The following TMEM62 variants were observed in gnomAD, a reference collection of about 807,000 sequenced individuals.
TMEM62 encodes the protein transmembrane protein 62.
A neutral mutation model predicts 70.4 loss-of-function variants in TMEM62; 41 were observed. That is an observed-to-expected ratio of 0.58 (90% CI 0.45 to 0.76). The LOEUF (loss-of-function observed/expected upper bound fraction) is 0.76. Among genes scored for constraint, TMEM62 ranks in the 30% least tolerant of loss-of-function variants. The probability of loss-of-function intolerance (pLI) is 0.00; values close to 1 mark genes in which losing one functional copy is unlikely to be tolerated. For synonymous variants in TMEM62, 268 were observed against 291.0 expected, an observed-to-expected ratio of 0.92 and a Z score of 0.80; for missense variants, 688 against 788.5, an observed-to-expected ratio of 0.87 and a Z score of 1.53.
intron 4 of TMEM62, among the ~76,000 whole-genome samples, chr15:43,142,192 G>A (rs565818400): frequency 1.4e-3 from 211 of 148,458 alleles, no homozygotes; most frequent in Admixed American, 4.6e-3. Flanking sequence ...TTGAGATGGA[G>A]GCTTGCTCTG....
rs199813901 is a variant in TMEM62, at chr15:43,181,194, T to C, written c.1500T>C (p.Phe500=). 1.9e-6 allele frequency: 3 copies of C among 1,613,242 alleles called. No individual in the cohort carries two copies. The highest frequency in any genetic ancestry group is 2.5e-6 in the Non-Finnish European group (3 of 1,179,382). Reference sequence around the variant, plus strand: ...TGCCTCTTTTAGGTCCATGGTTTTTTGGTGAAATCATTGATGGCAAATTTG... The same window carrying C: ...TGCCTCTTTTAGGTCCATGGTTTTTCGGTGAAATCATTGATGGCAAATTTG... ...TLYTVLGPWF[F]GEIIDGKFGC... Residue 500 remains phenylalanine (F), a synonymous_variant, in exon 13 of 14, where the codon TTT becomes TTC. Coordinates refer to ENST00000260403, the MANE Select transcript of TMEM62 (RefSeq NM_024956.4).
chr15:43,141,728 A>G (rs2036044419), intron 4 of TMEM62, among the ~76,000 whole-genome samples: 1 of 152,232 alleles, frequency 6.6e-6, no homozygotes, highest in Non-Finnish European at 1.5e-5. Context: ...AGGATTCACC[A>G]TTCTAGATGC....
chr15:43,141,165 G>C (rs538173512), intron 4 of TMEM62, among the ~76,000 whole-genome samples: 10 of 152,208 alleles, frequency 6.6e-5, no homozygotes, highest in Non-Finnish European at 1.0e-4. Flanking sequence ...GAGAAGCACT[G>C]AATGAAATCC....
At chr15:43,164,780 T>G (rs2039189411) in intron 10 of TMEM62, among the ~76,000 whole-genome samples, 1 of 152,198 alleles carries the variant, frequency 6.6e-6, no homozygotes, top group African/African-American at 2.4e-5. Flanking sequence ...AAGTCAGCTT[T>G]GTTTGTTTGG....
At position 43,178,039 on chromosome 15, in the gene TMEM62, G is replaced by A. The variant is rs547485229; in HGVS notation, c.1382-568G>A. Among the ~76,000 whole-genome samples the A allele has an allele frequency of 2.1e-4, 32 of 151,734 alleles. No homozygotes were observed. The South Asian group carries it at 6.3e-3, about 30-fold the overall frequency. On this transcript the variant is annotated intron_variant, in intron 11 of 13. Coordinates refer to ENST00000260403, the MANE Select transcript of TMEM62 (RefSeq NM_024956.4). ...AAAGAACTGTATAATGTATAGGAAA[G>A]GACCATATTTGGACAGATACTCATA...
At chr15:43,143,607 G>A (rs969790972) in intron 4 of TMEM62, among the ~76,000 whole-genome samples, 1 of 152,184 alleles carries the variant, frequency 6.6e-6, no homozygotes, top group Admixed American at 6.5e-5. Flanking sequence ...AGGTCACTGG[G>A]TTTTCAGAAT....
intron 11 of TMEM62, among the ~76,000 whole-genome samples, chr15:43,172,427 A>C (rs1596335829): frequency 6.6e-6 from 1 of 152,232 alleles, no homozygotes; most frequent in East Asian, 1.9e-4. Context: ...GTGTTCACCT[A>C]AGTAGAAATC....
Position 43,178,679 on chromosome 15 carries a change from C to T in TMEM62, c.1454C>T (p.Ser485Phe), listed in dbSNP as rs375191472. 2.4e-5 allele frequency: 39 copies of T among 1,612,348 alleles called. No homozygotes were observed. The highest frequency in any genetic ancestry group is 1.2e-4 in the Admixed American group (7 of 59,948). The change falls in exon 12 of 14, where the codon TCT (serine) becomes TTT (phenylalanine). Residue 485 changes from serine (S) to phenylalanine (F), a missense_variant. Transcript: ENST00000260403. Reference sequence around the variant, plus strand: ...AGCAAAATAAACATCTTCTACTATTCTGTGTTGTTGTTGACCCTGTATACA... The same window carrying T: ...AGCAAAATAAACATCTTCTACTATTTTGTGTTGTTGTTGACCCTGTATACA... ...VLSKINIFYY[S>F]VLLLTLYTVL...
At chr15:43,177,030 C>T (rs1302577012) in intron 11 of TMEM62, among the ~76,000 whole-genome samples, 2 of 151,976 alleles carry the variant, frequency 1.3e-5, no homozygotes, top group East Asian at 3.9e-4. Context: ...TCGAGAACTA[C>T]GTGAAGAATG....
chr15:43,162,875 T>A lies in TMEM62; in HGVS notation c.1296+2081T>A, dbSNP rs375967111. ...CTTGGGATCAATTTCTAGAAGTGAATTTCTGGATCAAAGGGTGGGCACACT... is the reference window on the plus strand; with the variant it reads ...CTTGGGATCAATTTCTAGAAGTGAAATTCTGGATCAAAGGGTGGGCACACT... On this transcript the variant is annotated intron_variant, in intron 10 of 13. Transcript: ENST00000260403. Among the ~76,000 whole-genome samples, 11 of 152,188 alleles carry A rather than the reference T, an allele frequency of 7.2e-5. No individual in the cohort carries two copies. In the East Asian group the frequency reaches 1.5e-3, roughly 21 times the overall value.
At position 43,160,543 on chromosome 15, in the gene TMEM62, AAAC is replaced by A. The variant is rs199988098; in HGVS notation, c.1183-114_1183-112del. 5.8e-3 allele frequency: 3,405 copies of A among 584,566 alleles called. 2 individuals are homozygous for A. The highest frequency in any genetic ancestry group is 7.5e-3 in the Middle Eastern group (16 of 2,140). The allele number at this position is 584,566 out of a possible 1,614,324, so 36.2% of individuals were successfully genotyped here. A position where few individuals can be genotyped will look rare whatever the true frequency, so the allele number is the denominator to read the frequency against. ...CTGGACAACAGAGAGAAACCTTGAAAAACAACAACAACAACAACAACAACAATA... is the reference window on the plus strand; with the variant it reads ...CTGGACAACAGAGAGAAACCTTGAAAAACAACAACAACAACAACAACAATA... On this transcript the variant is annotated intron_variant, in intron 9 of 13. Coordinates refer to ENST00000260403, the MANE Select transcript of TMEM62 (RefSeq NM_024956.4).
At chr15:43,165,193 C>G (rs191661541) in intron 10 of TMEM62, among the ~76,000 whole-genome samples, 30 of 151,752 alleles carry the variant, frequency 2.0e-4, no homozygotes, top group Admixed American at 1.7e-3. Context: ...GCCAATAACT[C>G]TTAGATTTGT....
At chr15:43,161,574 A>G (rs532676316) in intron 10 of TMEM62, among the ~76,000 whole-genome samples, 13 of 152,284 alleles carry the variant, frequency 8.5e-5, no homozygotes, top group African/African-American at 2.9e-4. Flanking sequence ...ATTTGTCATT[A>G]TGATACTCTA....
intron 13 of TMEM62, among the ~76,000 whole-genome samples, chr15:43,183,743 C>A (rs974569256): frequency 1.3e-5 from 2 of 152,036 alleles, no homozygotes; most frequent in Non-Finnish European, 2.9e-5. Flanking sequence ...TGGAGCCTAG[C>A]TCATGCCTGC....
At chr15:43,179,099 A>C (rs1279318452) in intron 12 of TMEM62, among the ~76,000 whole-genome samples, 1 of 152,216 alleles carries the variant, frequency 6.6e-6, no homozygotes, top group African/African-American at 2.4e-5. Flanking sequence ...CTATTAACTC[A>C]TTAAAATATT....
At position 43,160,764 on chromosome 15, in the gene TMEM62, A is replaced by T; in HGVS notation, c.1266A>T (p.Ser422=). ...NNHLSFDPLA[S]FILRTDHYIM... ...ATCTCAGTTTTGATCCCCTGGCATC[A>T]TTTATTCTCCGTACTGATCACTACA... The change falls in exon 10 of 14, where the codon TCA becomes TCT. Residue 422 remains serine (S), a synonymous_variant. Transcript: ENST00000260403. 6.2e-7 allele frequency: 1 copy of T among 1,610,666 alleles called. No individual in the cohort carries two copies. Among genetic ancestry groups the T allele is most frequent in the Non-Finnish European group, 8.5e-7 (1 of 1,177,274 alleles).
chr15:43,144,698 G>C (rs1273808570), intron 4 of TMEM62, among the ~76,000 whole-genome samples: 1 of 152,160 alleles, frequency 6.6e-6, no homozygotes, highest in Non-Finnish European at 1.5e-5. Context: ...ATTGGAAGAG[G>C]AGGTTGTTCT....
At position 43,133,992 on chromosome 15, in the gene TMEM62, C is replaced by G. The variant is rs952952414; in HGVS notation, c.180+10C>G. ...CTTCTGGGGCCTGCAGGTGACGCGG[C>G]GGGAAGCCGGGCCGGGAGGCAGGTG... On this transcript the variant is annotated intron_variant, in intron 1 of 13. Transcript: ENST00000260403. 11 of 1,437,802 alleles carry G rather than the reference C, an allele frequency of 7.7e-6. No homozygotes were observed. The African/African-American group carries it at 1.3e-4, about 17-fold the overall frequency. 89.1% of individuals were successfully genotyped at this position (1,437,802 alleles called of 1,614,324 possible).
chr15:43,178,014 AAAG>A (rs2040945199), intron 11 of TMEM62, among the ~76,000 whole-genome samples: 1 of 151,686 alleles, frequency 6.6e-6, no homozygotes, highest in Non-Finnish European at 1.5e-5. Context: ...AATTAAAAAA[AAAG>A]AACTGTATAA....
Sources: allele counts gnomAD v4.1 joint callset (sites outside exome capture counted in the v4.1 genomes callset), GRCh38; gene constraint gnomAD v4.1.1; transcripts MANE v1.5; gene names NCBI Gene and HGNC (gene_info 2026-07-23, HGNC 2026-07-21).